The following TENM3 variants were observed in gnomAD, a reference collection of about 807,000 sequenced individuals.
TENM3 encodes teneurin-3.
A neutral mutation model predicts 255.1 loss-of-function variants in TENM3; 63 were observed. The observed-to-expected ratio is 0.25, with a 90% CI of 0.20 to 0.30. The LOEUF is 0.30. TENM3 is among the 10% of genes least tolerant of loss of function. TENM3 has a pLI of 1.00. For missense variants in TENM3, 2,929 were observed against 3,461.1 expected (o/e 0.85, Z 3.86); for synonymous variants, 1,306 against 1,322.3 (o/e 0.99, Z 0.27).
intron 1 of TENM3, among the ~76,000 whole-genome samples, chr4:182,235,410 AGC>A (rs1251366222): frequency 6.6e-6 from 1 of 152,238 alleles, no homozygotes; most frequent in Non-Finnish European, 1.5e-5. Flanking sequence ...GGAAGACTGT[AGC>A]GTGCAATCTC....
At chr4:182,391,919 T>A (rs1768455782) in intron 3 of TENM3, among the ~76,000 whole-genome samples, 1 of 152,190 alleles carries the variant, frequency 6.6e-6, no homozygotes, top group African/African-American at 2.4e-5. Context: ...TGGCATAATA[T>A]TTCATTTAAA....
the TENM3 span, among the ~76,000 whole-genome samples, chr4:181,985,781 A>G: frequency 6.6e-6 from 1 of 152,252 alleles, no homozygotes; most frequent in Admixed American, 6.5e-5. Context: ...TCCATCATGT[A>G]TCTGTTTTAC....
intron 3 of TENM3, among the ~76,000 whole-genome samples, chr4:182,484,041 T>G (rs1734458219): frequency 6.6e-6 from 1 of 152,204 alleles, no homozygotes; most frequent in African/African-American, 2.4e-5. Context: ...GTTACTTTCA[T>G]GAGAGCGGGA....
the TENM3 span, among the ~76,000 whole-genome samples, chr4:181,968,962 GTCTCTCTCTCTCTC>G: frequency 6.9e-6 from 1 of 144,440 alleles, no homozygotes; most frequent in Non-Finnish European, 1.5e-5. Context: ...TACCTCTCTT[GTCTCTCTCTCTCTC>G]TCTCTCTCTC....
chr4:182,752,554 G>T (rs893485694), intron 20 of TENM3, among the ~76,000 whole-genome samples: 4 of 152,188 alleles, frequency 2.6e-5, no homozygotes, highest in Middle Eastern at 3.4e-3. Context: ...CGTGATAAAG[G>T]CTTTTAAACC....
chr4:181,674,277 C>T, the TENM3 span, among the ~76,000 whole-genome samples: 3 of 152,238 alleles, frequency 2.0e-5, no homozygotes, highest in South Asian at 2.1e-4. Context: ...GGATTGCAGG[C>T]GTGAGCCACT....
At chr4:182,433,200 C>T (rs1771792686) in intron 3 of TENM3, among the ~76,000 whole-genome samples, 1 of 152,072 alleles carries the variant, frequency 6.6e-6, no homozygotes, top group African/African-American at 2.4e-5. Context: ...TGGGGGAAGA[C>T]AGTGCCAATA....
intron 22 of TENM3, among the ~76,000 whole-genome samples, chr4:182,763,495 T>G (rs1261408664): frequency 1.3e-5 from 2 of 151,074 alleles, no homozygotes; most frequent in Non-Finnish European, 3.0e-5. Flanking sequence ...AACCCAGGAG[T>G]TGGAGCTTGC....
chr4:182,540,079 G>C (rs1052650891), intron 3 of TENM3, among the ~76,000 whole-genome samples: 1 of 152,144 alleles, frequency 6.6e-6, no homozygotes, highest in African/African-American at 2.4e-5. Context: ...AATAGAAAAC[G>C]GTAAATCTAA....
the TENM3 span, among the ~76,000 whole-genome samples, chr4:181,737,223 G>A: frequency 6.6e-6 from 1 of 152,034 alleles, no homozygotes; most frequent in Non-Finnish European, 1.5e-5. Flanking sequence ...CCACTTTAGC[G>A]AACTTTGAAA....
At chr4:181,888,152 C>G in the TENM3 span, among the ~76,000 whole-genome samples, 1 of 152,026 alleles carries the variant, frequency 6.6e-6, no homozygotes, top group African/African-American at 2.4e-5. Context: ...GCTTCAGCCC[C>G]ACAAGTAGCT....
At chr4:181,958,128 T>C in the TENM3 span, among the ~76,000 whole-genome samples, 1 of 152,182 alleles carries the variant, frequency 6.6e-6, no homozygotes, top group Admixed American at 6.5e-5. Flanking sequence ...TAAATTATAC[T>C]TGAAGGGTAT....
chr4:181,548,320 CA>C, the TENM3 span, among the ~76,000 whole-genome samples: 1 of 152,198 alleles, frequency 6.6e-6, no homozygotes, highest in Non-Finnish European at 1.5e-5. Flanking sequence ...GGTATATACC[CA>C]AAGGATTATA....
chr4:182,154,905 G>T (rs1750597850), intron 1 of TENM3, among the ~76,000 whole-genome samples: 1 of 152,180 alleles, frequency 6.6e-6, no homozygotes, highest in Non-Finnish European at 1.5e-5. Flanking sequence ...TATTATGTGA[G>T]TATATTCCCA....
the TENM3 span, among the ~76,000 whole-genome samples, chr4:182,041,698 T>C: frequency 6.6e-6 from 1 of 152,292 alleles, no homozygotes; most frequent in Non-Finnish European, 1.5e-5. Context: ...TGATTTAGAA[T>C]TTCTGTTCAA....
At chr4:182,634,204 AGCTAGTAAGTT>A (rs1751646934) in intron 5 of TENM3, among the ~76,000 whole-genome samples, 1 of 152,186 alleles carries the variant, frequency 6.6e-6, no homozygotes, top group Non-Finnish European at 1.5e-5. Context: ...CTTGAAATGT[AGCTAGTAAGTT>A]GTAGAAACCA....
the TENM3 span, among the ~76,000 whole-genome samples, chr4:181,683,075 AATAG>A: frequency 4.0e-5 from 6 of 151,600 alleles, no homozygotes; most frequent in East Asian, 7.7e-4. Context: ...ATTAAATAAA[AATAG>A]ATAAATAAAA....
rs553704780 is a variant in TENM3, at chr4:182,472,037, A to G, written c.511+125108A>G. 1.5e-4 allele frequency among the ~76,000 whole-genome samples: 23 copies of G among 151,964 alleles called. No individual in the cohort carries two copies. In the South Asian group the frequency reaches 4.8e-3, roughly 32 times the overall value. The stretch of plus-strand genomic sequence containing the variant: ...ACCTAGGGGGAAATTTGTTGAGTGG[A>G]CTCTTGAATTTCAAGGGATTTTTGT... On this transcript the variant is annotated intron_variant, in intron 3 of 27. Transcript: ENST00000511685.
At chr4:181,449,235 C>T in the TENM3 span, among the ~76,000 whole-genome samples, 2 of 152,196 alleles carry the variant, frequency 1.3e-5, no homozygotes, top group Non-Finnish European at 2.9e-5. Flanking sequence ...CAAATCAAGA[C>T]GGTGCAGTTT....
Sources: gnomAD v4.1 joint callset for allele counts (sites outside exome capture counted in the v4.1 genomes callset) on GRCh38, gnomAD v4.1.1 for gene constraint, MANE v1.5 for transcripts, NCBI Gene and HGNC (gene_info 2026-07-23, HGNC 2026-07-21) for gene names.